RPGRIP1L: variants seen among roughly 807,000 people sequenced by gnomAD.
RPGRIP1L encodes protein fantom.
In RPGRIP1L, 131 loss-of-function variants were observed where a neutral mutation model predicts 160.4. The ratio of observed to expected loss-of-function variants is 0.82; its 90% CI spans 0.71 to 0.94. The LOEUF is 0.94. Among genes scored for constraint, RPGRIP1L ranks in the 40% least tolerant of loss-of-function variants. RPGRIP1L has a pLI of 0.00. For synonymous variants in RPGRIP1L, 510 were observed against 515.8 expected, an observed-to-expected ratio of 0.99 and a Z score of 0.15; for missense variants, 1,522 against 1,535.8, an observed-to-expected ratio of 0.99 and a Z score of 0.15.
intron 19 of RPGRIP1L, 106 bp from the exon 20 acceptor site, chr16:53,638,517 G>A (rs1965987371): frequency 1.6e-6 from 1 of 640,314 alleles, no homozygotes; most frequent in Non-Finnish European, 2.8e-6. Flanking sequence ...GGCAGCAAAT[G>A]TAACAGTTAC....
chr16:53,624,625 T>C (rs921067958), intron 22 of RPGRIP1L, among the ~76,000 whole-genome samples: 1 of 152,172 alleles, frequency 6.6e-6, no homozygotes, highest in Non-Finnish European at 1.5e-5. Context: ...GAACTCTTGC[T>C]GTTATAGATT....
At chr16:53,695,874 A>C in intron 3 of RPGRIP1L, 1 of 350,700 alleles carries the variant, frequency 2.9e-6, no homozygotes, top group Non-Finnish European at 5.2e-6. Context: ...TAAACTATAA[A>C]TATTAAACCA....
At chr16:53,686,380 G>C (rs1205201605) in intron 6 of RPGRIP1L, 53 bp downstream of exon 6, 1 of 1,551,384 alleles carries the variant, frequency 6.4e-7, no homozygotes, top group Non-Finnish European at 8.9e-7. Flanking sequence ...ACATGATAAA[G>C]TATTTTAAAC....
intron 24 of RPGRIP1L, among the ~76,000 whole-genome samples, chr16:53,612,426 A>T (rs1475473968): frequency 1.3e-5 from 2 of 152,018 alleles, no homozygotes; most frequent in Non-Finnish European, 2.9e-5. Context: ...ACTGGAAGAT[A>T]GACTTCGTTT....
At chr16:53,683,019 TTTTAGAGA>T (rs1271343289) in intron 6 of RPGRIP1L, among the ~76,000 whole-genome samples, 1 of 152,136 alleles carries the variant, frequency 6.6e-6, no homozygotes, top group Non-Finnish European at 1.5e-5. Flanking sequence ...GGAATAGAAT[TTTTAGAGA>T]TAACACTAAT....
chr16:53,608,898 TC>T (rs1963850294), intron 25 of RPGRIP1L, among the ~76,000 whole-genome samples: 1 of 152,170 alleles, frequency 6.6e-6, no homozygotes, highest in Non-Finnish European at 1.5e-5. Flanking sequence ...AATGGGGCCA[TC>T]CACTCCCATG....
At chr16:53,623,923 G>A (rs1964902792) in intron 22 of RPGRIP1L, among the ~76,000 whole-genome samples, 1 of 151,990 alleles carries the variant, frequency 6.6e-6, no homozygotes, top group Admixed American at 6.5e-5. Flanking sequence ...TCAGGTTCTT[G>A]CTTTGTTGTC....
chr16:53,612,908 A>G (rs984626827), intron 24 of RPGRIP1L, among the ~76,000 whole-genome samples: 1 of 152,004 alleles, frequency 6.6e-6, no homozygotes, highest in Non-Finnish European at 1.5e-5. Flanking sequence ...ATAACTTTCC[A>G]TTCTTCCCTC....
At chr16:53,617,178 T>C (rs1964440782) in intron 24 of RPGRIP1L, among the ~76,000 whole-genome samples, 1 of 147,640 alleles carries the variant, frequency 6.8e-6, no homozygotes, top group South Asian at 2.1e-4. Context: ...CTTGAGCATA[T>C]ATCACAGTTT....
chr16:53,662,027 T>C (rs368469248), intron 10 of RPGRIP1L, among the ~76,000 whole-genome samples: 8 of 152,166 alleles, frequency 5.3e-5, no homozygotes, highest in South Asian at 2.1e-4. Context: ...TGAATTATAA[T>C]AGGCAAAATC....
In RPGRIP1L at chr16:53,672,781, A is replaced by C. The variant is rs928925874; in HGVS notation, c.1029+89T>G. The C allele has an allele frequency of 1.8e-5, 21 of 1,181,632 alleles. No homozygotes were observed. The African/African-American group carries it at 2.5e-4, about 14-fold the overall frequency. 73.2% of individuals were successfully genotyped at this position (1,181,632 alleles called of 1,614,324 possible). ...ACATAACTTATAATTTTAAATAAGTACAATTTTGAAATATCTCTATTTTAC... is the reference window on the plus strand; with the variant it reads ...ACATAACTTATAATTTTAAATAAGTCCAATTTTGAAATATCTCTATTTTAC... On this transcript the variant is annotated intron_variant, in intron 8 of 26. Coordinates refer to ENST00000647211, the MANE Select transcript of RPGRIP1L (RefSeq NM_015272.5).
intron 6 of RPGRIP1L, among the ~76,000 whole-genome samples, chr16:53,682,725 C>G (rs1048150175): frequency 3.9e-5 from 6 of 152,158 alleles, no homozygotes; most frequent in Non-Finnish European, 8.8e-5. Context: ...TTACTAAGAT[C>G]ACCATATTCA....
intron 15 of RPGRIP1L, 98 bp from the exon 16 acceptor site, chr16:53,649,213 A>T: frequency 1.0e-6 from 1 of 982,970 alleles, no homozygotes; most frequent in Non-Finnish European, 1.6e-6. Context: ...AAAACTATAC[A>T]TTTTATGCTG....
At chr16:53,684,127 A>C (rs527541990) in intron 6 of RPGRIP1L, among the ~76,000 whole-genome samples, 7 of 152,328 alleles carry the variant, frequency 4.6e-5, no homozygotes, top group Admixed American at 1.3e-4. Flanking sequence ...AAATAGGAAC[A>C]CTTTTACACT....
Position 53,599,422 on chromosome 16 carries a change from T to C in RPGRIP1L, c.*2654A>G, listed in dbSNP as rs956344428. The C allele has an allele frequency of 2.6e-5, 4 of 152,236 alleles. No individual in the cohort carries two copies. The highest frequency in any genetic ancestry group is 1.3e-4 in the Admixed American group (2 of 15,280). The allele number at this position is 152,236 out of a possible 1,614,324, so 9.4% of individuals were successfully genotyped here. A position where few individuals can be genotyped will look rare whatever the true frequency, so the allele number is the denominator to read the frequency against. ...ACTTATTTTTGTCAACTGCTTTTCATGACAGTGGCTGGGAATTTGACATTT... is the reference window on the plus strand; with the variant it reads ...ACTTATTTTTGTCAACTGCTTTTCACGACAGTGGCTGGGAATTTGACATTT... On this transcript the variant is annotated 3_prime_UTR_variant, in exon 27 of 27. Coordinates refer to ENST00000647211, the MANE Select transcript of RPGRIP1L (RefSeq NM_015272.5).
chr16:53,702,545 C>T (rs1402471405), intron 1 of RPGRIP1L, among the ~76,000 whole-genome samples: 1 of 152,218 alleles, frequency 6.6e-6, no homozygotes, highest in African/African-American at 2.4e-5. Context: ...ACCCCCCATA[C>T]CCTTGTCTTG....
chr16:53,696,406 C>T (rs1019821099), intron 2 of RPGRIP1L, 111 bp from the exon 3 acceptor site: 2 of 1,081,218 alleles, frequency 1.8e-6, no homozygotes, highest in Non-Finnish European at 2.8e-6. Flanking sequence ...TCCTTTGTGA[C>T]CTACAGTTAA....
rs1315241114 is a variant in RPGRIP1L, at chr16:53,601,908, C to T, written c.*168G>A. ...GAGAAGGAGGGAATAGAGAAATAAA[C>T]AAATGAAAAAGTATACAAAACTTCA... On this transcript the variant is annotated 3_prime_UTR_variant, in exon 27 of 27. Transcript: ENST00000647211. The T allele has an allele frequency of 3.2e-6, 2 of 628,598 alleles. No individual in the cohort carries two copies. The highest frequency in any genetic ancestry group is 1.8e-5 in the African/African-American group (1 of 54,772). The allele number at this position is 628,598 out of a possible 1,614,324, so 38.9% of individuals were successfully genotyped here. A position where few individuals can be genotyped will look rare whatever the true frequency, so the allele number is the denominator to read the frequency against.
At chr16:53,662,676 T>C (rs1967906028) in intron 10 of RPGRIP1L, among the ~76,000 whole-genome samples, 1 of 152,098 alleles carries the variant, frequency 6.6e-6, no homozygotes, top group East Asian at 1.9e-4. Context: ...TTAAAGGCTG[T>C]AATATTTTTC....
Sources: allele counts gnomAD v4.1 joint callset (sites outside exome capture counted in the v4.1 genomes callset), GRCh38; gene constraint gnomAD v4.1.1; transcripts MANE v1.5; gene names NCBI Gene and HGNC (gene_info 2026-07-23, HGNC 2026-07-21).